RABGAP1L: variants seen among roughly 807,000 people sequenced by gnomAD.
RABGAP1L encodes the protein RAB GTPase activating protein 1 like.
In RABGAP1L, 63 loss-of-function variants were observed where a neutral mutation model predicts 137.7. The observed-to-expected ratio is 0.46, with a 90% CI of 0.37 to 0.56. The LOEUF is 0.56. Ranked by LOEUF, RABGAP1L falls within the 20% of genes least tolerant of loss-of-function variation. The pLI, the probability that RABGAP1L is intolerant of heterozygous loss-of-function variation, is 0.00. For synonymous variants in RABGAP1L, 431 were observed against 433.7 expected, an observed-to-expected ratio of 0.99 and a Z score of 0.08; for missense variants, 1,095 against 1,244.0, an observed-to-expected ratio of 0.88 and a Z score of 1.80.
intron 11 of RABGAP1L, among the ~76,000 whole-genome samples, chr1:174,360,228 G>T (rs369870626): frequency 1.1e-4 from 14 of 127,712 alleles, no homozygotes; most frequent in Non-Finnish European, 2.0e-4. Context: ...ATAGCAATAG[G>T]GATTGTTCAA....
chr1:174,178,055 T>C (rs1666037758), intron 1 of RABGAP1L, among the ~76,000 whole-genome samples: 1 of 152,252 alleles, frequency 6.6e-6, no homozygotes, highest in African/African-American at 2.4e-5. Flanking sequence ...GCATTGAATC[T>C]ATAAATTACT....
Position 174,637,426 on chromosome 1 carries a change from G to T in RABGAP1L, c.1762G>T (p.Ala588Ser). ...ITRDIHRTFP[A>S]HDYFKDTGGD... ...TCGAGATATTCATCGTACATTTCCC[G>T]CACATGATTACTTTAAAGATACTGG... is the stretch of plus-strand genomic sequence containing the variant. The change falls in exon 14 of 26, where the codon GCA becomes TCA. Residue 588 changes from alanine (A) to serine (S), a missense_variant. Ala to Ser is a moderately conservative substitution (Grantham distance 99). Around this residue, in one of 4 missense-constraint regions of RABGAP1L, gnomAD observed 315 missense variants for 324.8 expected, o/e 0.97. Transcript: ENST00000681986. The T allele has an allele frequency of 6.2e-7, 1 of 1,613,262 alleles. No individual in the cohort carries two copies. Among genetic ancestry groups the T allele is most frequent in the Non-Finnish European group, 8.5e-7 (1 of 1,179,370 alleles).
At chr1:174,615,673 C>G (rs1427061942) in intron 13 of RABGAP1L, among the ~76,000 whole-genome samples, 1 of 152,216 alleles carries the variant, frequency 6.6e-6, no homozygotes, top group African/African-American at 2.4e-5. Flanking sequence ...TGTGCCCTGC[C>G]CCCAGAGGTG....
At chr1:174,909,608 G>A (rs1659727784) in intron 19 of RABGAP1L, among the ~76,000 whole-genome samples, 1 of 152,236 alleles carries the variant, frequency 6.6e-6, no homozygotes, top group South Asian at 2.1e-4. Flanking sequence ...CAAAGTGAAA[G>A]TGGTTTTTAT....
At chr1:174,253,173 G>C (rs1436006239) in intron 7 of RABGAP1L, among the ~76,000 whole-genome samples, 2 of 152,122 alleles carry the variant, frequency 1.3e-5, no homozygotes, top group Non-Finnish European at 2.9e-5. Flanking sequence ...AGAAAAACAG[G>C]TCAGAGTATA....
intron 13 of RABGAP1L, among the ~76,000 whole-genome samples, chr1:174,473,908 A>G (rs1003947645): frequency 2.6e-5 from 4 of 152,218 alleles, no homozygotes; most frequent in African/African-American, 9.6e-5. Context: ...AAATTAATCT[A>G]TATCAGTTAG....
intron 18 of RABGAP1L, chr1:174,799,958 A>G: frequency 1.7e-5 from 7 of 403,516 alleles, no homozygotes; most frequent in Non-Finnish European, 2.2e-5. Flanking sequence ...ACACACACAC[A>G]CACACACACA....
chr1:174,847,046 C>A (rs1694126793), intron 19 of RABGAP1L, among the ~76,000 whole-genome samples: 1 of 112,714 alleles, frequency 8.9e-6, no homozygotes, highest in African/African-American at 3.1e-5. Flanking sequence ...ACTAGGATTG[C>A]AACCCCTGCC....
chr1:174,457,190 T>C (rs529253717), intron 13 of RABGAP1L, among the ~76,000 whole-genome samples: 96 of 152,212 alleles, frequency 6.3e-4, no homozygotes, highest in Non-Finnish European at 1.3e-3. Flanking sequence ...TTGGATGCTA[T>C]AGTTCTAAAG....
chr1:174,843,274 T>G (rs1693631222), intron 19 of RABGAP1L, among the ~76,000 whole-genome samples: 1 of 150,722 alleles, frequency 6.6e-6, no homozygotes, highest in Non-Finnish European at 1.5e-5. Flanking sequence ...ATGTGCACAT[T>G]GTGCAGGTTA....
intron 13 of RABGAP1L, among the ~76,000 whole-genome samples, chr1:174,484,306 C>T (rs1032622806): frequency 6.6e-6 from 1 of 151,924 alleles, no homozygotes; most frequent in Non-Finnish European, 1.5e-5. Context: ...GTTATTAATC[C>T]CTTGTCAGAT....
At chr1:174,344,296 G>A (rs1682247705) in intron 11 of RABGAP1L, among the ~76,000 whole-genome samples, 1 of 152,120 alleles carries the variant, frequency 6.6e-6, no homozygotes, top group Admixed American at 6.5e-5. Flanking sequence ...ATTTACACCT[G>A]CCTGGGATTA....
At chr1:174,174,495 C>T (rs1358195828) in intron 1 of RABGAP1L, among the ~76,000 whole-genome samples, 1 of 152,020 alleles carries the variant, frequency 6.6e-6, no homozygotes, top group Non-Finnish European at 1.5e-5. Flanking sequence ...CTGAGAAATC[C>T]CGTGATAGGC....
intron 3 of RABGAP1L, among the ~76,000 whole-genome samples, chr1:174,229,836 C>T (rs1371698312): frequency 6.6e-6 from 1 of 152,152 alleles, no homozygotes; most frequent in Non-Finnish European, 1.5e-5. Context: ...CCTGAGGAAT[C>T]GCCACACTGA....
intron 14 of RABGAP1L, among the ~76,000 whole-genome samples, chr1:174,672,752 A>AC (rs1288619059): frequency 1.3e-5 from 2 of 152,018 alleles, no homozygotes; most frequent in African/African-American, 4.8e-5. Context: ...ATTTCCATGT[A>AC]CATGTGAATT....
At chr1:174,954,905 T>G (rs1430959285) in intron 19 of RABGAP1L, among the ~76,000 whole-genome samples, 1 of 152,214 alleles carries the variant, frequency 6.6e-6, no homozygotes, top group African/African-American at 2.4e-5. Context: ...GATTTGCAAC[T>G]TCATCTTCAG....
chr1:174,550,990 A>ATATACATATATATATATG (rs1553330253), intron 13 of RABGAP1L, among the ~76,000 whole-genome samples: 10 of 96,312 alleles, frequency 1.0e-4, no homozygotes, highest in Non-Finnish European at 1.8e-4. Context: ...ATACATATAT[A>ATATACATATATATATATG]TATATACACA....
intron 18 of RABGAP1L, among the ~76,000 whole-genome samples, chr1:174,775,471 G>A (rs1203700794): frequency 6.6e-6 from 1 of 151,876 alleles, no homozygotes; most frequent in African/African-American, 2.4e-5. Flanking sequence ...ACTCCACCAC[G>A]CCTGGCTAAT....
chr1:174,540,692 T>C (rs979412846), intron 13 of RABGAP1L, among the ~76,000 whole-genome samples: 6 of 126,554 alleles, frequency 4.7e-5, no homozygotes. Context: ...TTTTGGTTAC[T>C]GTAGTCTTGT....
Sources: gnomAD v4.1 joint callset for allele counts (sites outside exome capture counted in the v4.1 genomes callset) on GRCh38, gnomAD v4.1.1 for gene constraint, gnomAD v4.1.1 regional missense constraint, MANE v1.5 for transcripts, NCBI Gene and HGNC (gene_info 2026-07-23, HGNC 2026-07-21) for gene names.